The following MTARC2 variants were observed in gnomAD, a reference collection of about 807,000 sequenced individuals.
MTARC2 encodes mitochondrial amidoxime reducing component 2.
MTARC2 carries 27 observed loss-of-function variants against 35.6 expected under a neutral mutation model. That is an observed-to-expected ratio of 0.76 (90% CI 0.56 to 1.04). MTARC2 has a LOEUF of 1.04. Ranked by LOEUF, MTARC2 falls within the 50% of genes least tolerant of loss-of-function variation. The probability of loss-of-function intolerance (pLI) is 0.00; values close to 1 mark genes in which losing one functional copy is unlikely to be tolerated. For synonymous variants in MTARC2, 158 were observed against 167.1 expected (o/e 0.95, Z 0.42); for missense variants, 412 against 432.5 (o/e 0.95, Z 0.42).
intron 4 of MTARC2, among the ~76,000 whole-genome samples, chr1:220,767,948 G>T (rs1388100210): frequency 6.6e-6 from 1 of 152,190 alleles, no homozygotes; most frequent in Non-Finnish European, 1.5e-5. Flanking sequence ...AACTGAGTTT[G>T]GGTGGGTTAG....
intron 4 of MTARC2, among the ~76,000 whole-genome samples, chr1:220,765,139 C>T (rs1205307492): frequency 6.6e-6 from 1 of 152,088 alleles, no homozygotes; most frequent in African/African-American, 2.4e-5. Context: ...TCCAGGTCCC[C>T]GGAAGCAATG....
At position 220,781,695 on chromosome 1, in the gene MTARC2, G is replaced by A. The variant is rs1028326091; in HGVS notation, c.885-83G>A. On this transcript the variant is annotated intron_variant, in intron 6 of 7. Transcript: ENST00000366913. ...TTGCTGTGTATTTATAAATAACTTG[G>A]AAGGCAAACTTGAGTTCTATTGAGA... 33 of 1,453,970 alleles carry A rather than the reference G, an allele frequency of 2.3e-5. No individual in the cohort carries two copies. In the Admixed American group the frequency reaches 3.1e-4, roughly 14 times the overall value. 90.1% of individuals were successfully genotyped at this position (1,453,970 alleles called of 1,614,324 possible). A position where few individuals can be genotyped will look rare whatever the true frequency, so the allele number is the denominator to read the frequency against.
chr1:220,768,684 T>C (rs1052606584), intron 4 of MTARC2, among the ~76,000 whole-genome samples: 9 of 152,092 alleles, frequency 5.9e-5, no homozygotes, highest in African/African-American at 1.4e-4. Flanking sequence ...AGCAGGACAA[T>C]TGTGCTCAGT....
chr1:220,761,763 A>G lies in MTARC2; in HGVS notation c.552A>G (p.Thr184=). The change falls in exon 3 of 8, where the codon ACA becomes ACG. Residue 184 remains threonine (T), a synonymous_variant. Coordinates refer to ENST00000366913, the MANE Select transcript of MTARC2 (RefSeq NM_017898.5). ...TEAYRLVQFE[T]NMKGRTSRKL... is the part of the protein sequence containing the mutation. ...CGTATAGATTGGTTCAATTTGAGAC[A>G]AACATGAAGGGAAGAACATCAAGAA... is the stretch of plus-strand genomic sequence containing the variant. 1 of 1,613,830 alleles carries G rather than the reference A, an allele frequency of 6.2e-7. No homozygotes were observed. The highest frequency in any genetic ancestry group is 1.1e-5 in the South Asian group (1 of 90,976).
intron 4 of MTARC2, among the ~76,000 whole-genome samples, chr1:220,776,107 C>T (rs1286861765): frequency 6.6e-6 from 1 of 152,202 alleles, no homozygotes; most frequent in African/African-American, 2.4e-5. Flanking sequence ...CTACAGATCG[C>T]TTTCCATGGT....
intron 1 of MTARC2, among the ~76,000 whole-genome samples, chr1:220,750,850 C>T (rs1385798315): frequency 1.3e-5 from 2 of 152,260 alleles, no homozygotes; most frequent in South Asian, 4.1e-4. Flanking sequence ...GAGTACAGAA[C>T]TTATGCTGTT....
chr1:220,783,449 T>C (rs1236636676), intron 7 of MTARC2, among the ~76,000 whole-genome samples: 1 of 152,144 alleles, frequency 6.6e-6, no homozygotes, highest in Non-Finnish European at 1.5e-5. Flanking sequence ...CCTGGATCAT[T>C]GTGTGAGCCA....
intron 4 of MTARC2, 150 bp from the exon 5 acceptor site, chr1:220,779,868 C>A (rs1672018440): frequency 3.6e-6 from 2 of 551,986 alleles, no homozygotes; most frequent in East Asian, 3.6e-5. Flanking sequence ...TTCTGCCTCC[C>A]TTTGAGTCCT....
intron 4 of MTARC2, among the ~76,000 whole-genome samples, chr1:220,771,552 C>T (rs376311460): frequency 3.9e-5 from 6 of 152,240 alleles, no homozygotes; most frequent in African/African-American, 1.4e-4. Context: ...TGAGAAAGCC[C>T]AGGGAGTCTG....
At chr1:220,775,668 AC>A (rs111668228) in intron 4 of MTARC2, among the ~76,000 whole-genome samples, 3,616 of 151,954 alleles carry the variant, frequency 0.024, 109 homozygotes, top group African/African-American at 0.064. Flanking sequence ...TTCAATTCTC[AC>A]CCTCTTCCTA....
chr1:220,779,709 A>AT (rs1558076602), intron 4 of MTARC2, among the ~76,000 whole-genome samples: 2 of 152,006 alleles, frequency 1.3e-5, no homozygotes, highest in Non-Finnish European at 2.9e-5. Flanking sequence ...CAAGTTACAC[A>AT]TTTCTCATTG....
At position 220,773,655 on chromosome 1, in the gene MTARC2, A is replaced by G. The variant is rs1671806343; in HGVS notation, c.751-6363A>G. ...GTAGTGAGTGTCAGAATTGAGTTGA[A>G]TTGTTGGACACCCAATTGGTGTCAG... On this transcript the variant is annotated intron_variant, in intron 4 of 7. Transcript: ENST00000366913. Among the ~76,000 whole-genome samples, 2 of 152,108 alleles carry G rather than the reference A, an allele frequency of 1.3e-5. 1 individual carries two copies. Among genetic ancestry groups the G allele is most frequent in the Non-Finnish European group, 2.9e-5 (2 of 68,026 alleles).
intron 2 of MTARC2, among the ~76,000 whole-genome samples, 198 bp from the exon 3 acceptor site, chr1:220,761,460 A>C (rs3753879): frequency 0.13 from 20,275 of 152,186 alleles, 1,815 homozygotes; most frequent in East Asian, 0.25. Flanking sequence ...ATTTGCACAT[A>C]CATTAGGGTT....
At position 220,781,795 on chromosome 1, in the gene MTARC2, C is replaced by A; in HGVS notation, c.902C>A (p.Pro301His). The A allele has an allele frequency of 1.2e-6, 2 of 1,614,106 alleles. No homozygotes were observed. Among genetic ancestry groups the A allele is most frequent in the Non-Finnish European group, 1.7e-6 (2 of 1,179,994 alleles). The change falls in exon 7 of 8, where the codon CCT (proline) becomes CAT (histidine). Residue 301 changes from proline (P) to histidine (H), a missense_variant. Coordinates refer to ENST00000366913, the MANE Select transcript of MTARC2 (RefSeq NM_017898.5). ...TGTTTCAGCTACCGCCTGTGTGATC[C>A]TTCTGAGAGGGAATTGTACAAGTTG... The part of the protein sequence containing the change: ...DTLKSYRLCD[P>H]SERELYKLSP...
chr1:220,781,359 A>G (rs1158843283), intron 6 of MTARC2, among the ~76,000 whole-genome samples: 1 of 152,192 alleles, frequency 6.6e-6, no homozygotes, highest in African/African-American at 2.4e-5. Flanking sequence ...AGTGAACCCC[A>G]GCTTTGGGCT....
chr1:220,762,239 C>G (rs903506197), intron 3 of MTARC2, among the ~76,000 whole-genome samples: 25 of 152,182 alleles, frequency 1.6e-4, no homozygotes, highest in African/African-American at 6.0e-4. Flanking sequence ...ATTTCAGGTG[C>G]TGGCGAGGCG....
At chr1:220,783,812 C>A in intron 7 of MTARC2, 107 bp from the exon 8 acceptor site, 1 of 708,644 alleles carries the variant, frequency 1.4e-6, no homozygotes, top group Admixed American at 2.0e-5. Flanking sequence ...CTGCACCATA[C>A]ATTTATATGT....
chr1:220,755,045 T>A lies in MTARC2; in HGVS notation c.371T>A (p.Ile124Asn). 6.2e-7 allele frequency: 1 copy of A among 1,613,242 alleles called. No homozygotes were observed. The highest frequency in any genetic ancestry group is 8.5e-7 in the Non-Finnish European group (1 of 1,179,644). Residue 124 changes from isoleucine to asparagine, a missense_variant, in exon 2 of 8, where the codon ATC becomes AAC. Coordinates refer to ENST00000366913, the MANE Select transcript of MTARC2 (RefSeq NM_017898.5). ...ISIIYENNCLIFRAPDMDQLV... is the reference protein window; with the variant it reads ...ISIIYENNCLNFRAPDMDQLV... ...ATCATTTATGAGAATAACTGCCTGA[T>A]CTTCAGGGCTCCAGACATGGACCAG...
intron 6 of MTARC2, among the ~76,000 whole-genome samples, chr1:220,780,934 T>A (rs1314766275): frequency 6.6e-6 from 1 of 151,528 alleles, no homozygotes; most frequent in African/African-American, 2.4e-5. Context: ...AACTGCATAA[T>A]GAAATATTAG....
Sources: allele counts gnomAD v4.1 joint callset (sites outside exome capture counted in the v4.1 genomes callset), GRCh38; gene constraint gnomAD v4.1.1; transcripts MANE v1.5; gene names NCBI Gene and HGNC (gene_info 2026-07-23, HGNC 2026-07-21).